ELK3: variants seen among roughly 807,000 people sequenced by gnomAD.
ELK3 encodes ETS domain-containing protein Elk-3.
In ELK3, 10 loss-of-function variants were observed where a neutral mutation model predicts 28.9. That is an observed-to-expected ratio of 0.35 (90% CI 0.21 to 0.59). The LOEUF (loss-of-function observed/expected upper bound fraction) is 0.59. Ranked by LOEUF, ELK3 falls within the 20% of genes least tolerant of loss-of-function variation. The probability of loss-of-function intolerance (pLI) is 0.82; values close to 1 mark genes in which losing one functional copy is unlikely to be tolerated. For synonymous variants in ELK3, 272 were observed against 243.5 expected, an observed-to-expected ratio of 1.12 and a Z score of -1.09; for missense variants, 463 against 517.3, an observed-to-expected ratio of 0.90 and a Z score of 1.02.
intron 3 of ELK3, among the ~76,000 whole-genome samples, chr12:96,250,963 A>G (rs959778558): frequency 3.9e-5 from 6 of 152,212 alleles, no homozygotes; most frequent in African/African-American, 1.2e-4. Context: ...TTACCTTATC[A>G]CACCTCATAC....
At chr12:96,223,504 C>G (rs897449970) in intron 1 of ELK3, 61 bp from the exon 2 acceptor site, 1 of 1,568,586 alleles carries the variant, frequency 6.4e-7, no homozygotes, top group Non-Finnish European at 8.8e-7. Context: ...CCCCCTCTCT[C>G]CTCGCCAAGT....
intron 3 of ELK3, among the ~76,000 whole-genome samples, chr12:96,251,360 C>T (rs1474245678): frequency 6.6e-6 from 1 of 152,116 alleles, no homozygotes; most frequent in Non-Finnish European, 1.5e-5. Flanking sequence ...GTGTCTCCCT[C>T]TCCTTGGGTC....
chr12:96,200,268 C>G (rs985052993), intron 1 of ELK3, among the ~76,000 whole-genome samples: 2 of 152,050 alleles, frequency 1.3e-5, no homozygotes, highest in African/African-American at 2.4e-5. Context: ...CTATAGAACA[C>G]GAGAACTTAC....
In ELK3 at chr12:96,217,329, T is replaced by G. The variant is rs1307483749; in HGVS notation, c.-2-6236T>G. ...CTCCCTCCGGATGATGTGATTCTGA[T>G]TTTTTGGAAGGTATTTTACAACGTT... is the stretch of plus-strand genomic sequence containing the variant. On this transcript the variant is annotated intron_variant, in intron 1 of 4. Transcript: ENST00000228741. 2.0e-5 allele frequency among the ~76,000 whole-genome samples: 3 copies of G among 152,236 alleles called. No individual in the cohort carries two copies. The East Asian group carries it at 5.8e-4, about 29-fold the overall frequency.
chr12:96,201,358 CAT>C (rs1415167714), intron 1 of ELK3, among the ~76,000 whole-genome samples: 2 of 152,012 alleles, frequency 1.3e-5, no homozygotes, highest in African/African-American at 4.8e-5. Flanking sequence ...CAGTGGCTCA[CAT>C]GTGTCATCCC....
At chr12:96,212,934 G>C (rs962188461) in intron 1 of ELK3, 1 of 152,166 alleles carries the variant, frequency 6.6e-6, no homozygotes, top group Non-Finnish European at 1.5e-5. Context: ...TGTGAAGTCA[G>C]ATCTTACAAT....
chr12:96,209,165 C>T (rs528228710), intron 1 of ELK3, among the ~76,000 whole-genome samples: 61 of 152,328 alleles, frequency 4.0e-4, no homozygotes, highest in African/African-American at 1.3e-3. Context: ...GTAAGCACAA[C>T]AGATTGCAGG....
chr12:96,200,318 A>G (rs148087765), intron 1 of ELK3, among the ~76,000 whole-genome samples: 211 of 152,270 alleles, frequency 1.4e-3, no homozygotes, highest in African/African-American at 4.8e-3. Flanking sequence ...TGATGAAGCT[A>G]GGGCTCCTGT....
At chr12:96,252,476 A>G (rs1034056603) in intron 3 of ELK3, among the ~76,000 whole-genome samples, 2 of 152,120 alleles carry the variant, frequency 1.3e-5, no homozygotes, top group African/African-American at 4.8e-5. Context: ...GAAAGGAGTC[A>G]CCATCCTAGA....
intron 1 of ELK3, among the ~76,000 whole-genome samples, chr12:96,195,423 G>T (rs1015993693): frequency 6.6e-6 from 1 of 152,186 alleles, no homozygotes; most frequent in African/African-American, 2.4e-5. Context: ...TGATCTTGGG[G>T]CCCCTTCCAC....
intron 2 of ELK3, among the ~76,000 whole-genome samples, chr12:96,246,064 G>A (rs909759953): frequency 1.3e-5 from 2 of 152,148 alleles, no homozygotes; most frequent in African/African-American, 2.4e-5. Flanking sequence ...TTAAGAAAAC[G>A]TTGTAGTGTT....
At chr12:96,231,629 A>AT (rs1213466034) in intron 2 of ELK3, among the ~76,000 whole-genome samples, 8 of 152,116 alleles carry the variant, frequency 5.3e-5, no homozygotes, top group Non-Finnish European at 1.2e-4. Context: ...AGTAGCTGGG[A>AT]TTACAGGTGC....
At chr12:96,240,553 G>A (rs1951813694) in intron 2 of ELK3, among the ~76,000 whole-genome samples, 1 of 152,194 alleles carries the variant, frequency 6.6e-6, no homozygotes, top group African/African-American at 2.4e-5. Context: ...AGCAGTCTTT[G>A]TGATAGGGTC....
At chr12:96,228,307 A>G (rs186920530) in intron 2 of ELK3, among the ~76,000 whole-genome samples, 2,739 of 149,008 alleles carry the variant, frequency 0.018, 50 homozygotes, top group Admixed American at 0.063. Flanking sequence ...GGTCCCAGTT[A>G]CTCCAGAGGC....
rs575069955 is a variant in ELK3 at position 96,268,362 on chromosome 12, A to T, written c.*1182A>T. 9.2e-5 allele frequency: 14 copies of T among 152,348 alleles called. No individual in the cohort carries two copies. Among genetic ancestry groups the T allele is most frequent in the Admixed American group, 2.6e-4 (4 of 15,302 alleles). 9.4% of individuals were successfully genotyped at this position (152,348 alleles called of 1,614,324 possible). A position where few individuals can be genotyped will look rare whatever the true frequency, so the allele number is the denominator to read the frequency against. ...ACTAAAGTTAGGGGAGAATGAAGGA[A>T]ATCTGACAGATGAAAAATTCTACAG... On this transcript the variant is annotated 3_prime_UTR_variant, in exon 5 of 5. Transcript: ENST00000228741.
chr12:96,218,848 C>G (rs942174028), intron 1 of ELK3, among the ~76,000 whole-genome samples: 4 of 152,078 alleles, frequency 2.6e-5, no homozygotes, highest in African/African-American at 9.7e-5. Flanking sequence ...CAGGGTTTCA[C>G]TGTGTTAGCC....
At chr12:96,218,936 C>G (rs1035993759) in intron 1 of ELK3, among the ~76,000 whole-genome samples, 1 of 152,188 alleles carries the variant, frequency 6.6e-6, no homozygotes, top group African/African-American at 2.4e-5. Flanking sequence ...GCGTGAGCCA[C>G]CGCGCCCGGC....
Position 96,267,973 on chromosome 12 carries a change from T to A in ELK3, c.*793T>A, listed in dbSNP as rs1952051365. ...AAAAGCTACATCAAGTTCATGCTAT[T>A]CCAGGCCCAAGAATATCTCCTAGGT... is the stretch of plus-strand genomic sequence containing the variant. On this transcript the variant is annotated 3_prime_UTR_variant, in exon 5 of 5. Transcript: ENST00000228741. 6.6e-6 allele frequency: 1 copy of A among 152,260 alleles called. No individual in the cohort carries two copies. The highest frequency in any genetic ancestry group is 1.5e-5 in the Non-Finnish European group (1 of 68,032). 9.4% of individuals were successfully genotyped at this position (152,260 alleles called of 1,614,324 possible). A position where few individuals can be genotyped will look rare whatever the true frequency, so the allele number is the denominator to read the frequency against.
Position 96,267,161 on chromosome 12 carries a change from C to A in ELK3, c.1205C>A (p.Ser402Ter). The change falls in exon 5 of 5, where the codon TCA becomes TAA. Residue 402 changes from serine to a stop codon, truncating the protein, a stop_gained. Coordinates refer to ENST00000228741, the MANE Select transcript of ELK3 (RefSeq NM_005230.4). LOFTEE classifies it high-confidence loss of function. ...DRAASPVLLS[S>*]NSQKS ...GCTGCTTCTCCAGTACTGCTTTCTT[C>A]AAACTCTCAGAAATCCTGATGACGT... The A allele has an allele frequency of 6.2e-7, 1 of 1,612,682 alleles. No homozygotes were observed. Among genetic ancestry groups the A allele is most frequent in the Non-Finnish European group, 8.5e-7 (1 of 1,179,392 alleles).
Sources: gnomAD v4.1 joint callset for allele counts (sites outside exome capture counted in the v4.1 genomes callset) on GRCh38, gnomAD v4.1.1 for gene constraint, MANE v1.5 for transcripts, NCBI Gene and HGNC (gene_info 2026-07-23, HGNC 2026-07-21) for gene names.